Variants in EPB41L1 observed in about 807,000 individuals in gnomAD.
EPB41L1 encodes the protein band 4.1-like protein 1.
Under a neutral mutation model 97.8 loss-of-function variants are expected in EPB41L1, and 29 were observed. The ratio of observed to expected loss-of-function variants is 0.30; its 90% CI spans 0.22 to 0.40. EPB41L1 has a LOEUF of 0.40. Among genes scored for constraint, EPB41L1 ranks in the 10% least tolerant of loss-of-function variants. EPB41L1 has a pLI of 1.00. For synonymous variants in EPB41L1, 383 were observed against 459.2 expected (o/e 0.83, Z 2.12); for missense variants, 812 against 1,162.3 (o/e 0.70, Z 4.38).
At chr20:36,140,044 TTG>T (rs1453253016) in intron 2 of EPB41L1, among the ~76,000 whole-genome samples, 2 of 136,116 alleles carry the variant, frequency 1.5e-5, no homozygotes, top group African/African-American at 5.7e-5. Context: ...TGGTTTTTTT[TTG>T]TTGTTGTTGT....
chr20:36,219,023 C>A, intron 18 of EPB41L1, 61 bp downstream of exon 18: 1 of 1,548,106 alleles, frequency 6.5e-7, no homozygotes, highest in Non-Finnish European at 8.9e-7. Flanking sequence ...GGCATGGACC[C>A]ATGTATGGCT....
At chr20:36,123,723 CGCTTGG>C (rs1198160531) in intron 2 of EPB41L1, among the ~76,000 whole-genome samples, 1 of 152,108 alleles carries the variant, frequency 6.6e-6, no homozygotes, top group African/African-American at 2.4e-5. Flanking sequence ...TGAGCCACTG[CGCTTGG>C]GCAGAAAATT....
chr20:36,200,257 T>C (rs1460544952), intron 14 of EPB41L1, among the ~76,000 whole-genome samples: 7 of 152,088 alleles, frequency 4.6e-5, no homozygotes, highest in African/African-American at 1.7e-4. Context: ...AGTGAAATAA[T>C]TAATATAAAA....
intron 2 of EPB41L1, among the ~76,000 whole-genome samples, chr20:36,140,671 G>T (rs1256036703): frequency 2.6e-5 from 4 of 152,270 alleles, no homozygotes; most frequent in East Asian, 3.9e-4. Flanking sequence ...CTAGGATTTG[G>T]CTTCTTTTTT....
At chr20:36,134,479 G>A (rs1661338664) in intron 2 of EPB41L1, among the ~76,000 whole-genome samples, 1 of 152,230 alleles carries the variant, frequency 6.6e-6, no homozygotes, top group East Asian at 1.9e-4. Flanking sequence ...AGAAGGTACT[G>A]TGGGGCAGGA....
intron 14 of EPB41L1, among the ~76,000 whole-genome samples, chr20:36,199,014 C>T (rs2062355327): frequency 6.6e-6 from 1 of 152,172 alleles, no homozygotes; most frequent in Admixed American, 6.5e-5. Flanking sequence ...GTTATTGTTT[C>T]ACTTGAGAGT....
In EPB41L1 at chr20:36,221,943, A is replaced by G; in HGVS notation, c.2519A>G (p.Gln840Arg). 1.2e-6 allele frequency: 2 copies of G among 1,614,154 alleles called. No individual in the cohort carries two copies. The highest frequency in any genetic ancestry group is 1.7e-6 in the Non-Finnish European group (2 of 1,180,000). The change falls in exon 20 of 22, where the codon CAG becomes CGG. Residue 840 changes from glutamine to arginine, a missense_variant and splice_region_variant. By Grantham distance (43) the Gln-to-Arg change is conservative. Coordinates refer to ENST00000338074, the MANE Select transcript of EPB41L1 (RefSeq NM_012156.2). ...ITGDEDVDQD[Q>R]ALALAIKEAK... is the part of the protein sequence containing the mutation. ...GGGGATGAAGATGTCGATCAAGACC[A>G]GGTATGGGGGTAGCAACCGTTCTTC...
In EPB41L1 at chr20:36,173,739, C is replaced by A. The variant is rs371069159; in HGVS notation, c.-14-25C>A. 1.6e-5 allele frequency: 26 copies of A among 1,610,760 alleles called. No homozygotes were observed. In the African/African-American group the frequency reaches 2.4e-4, roughly 15 times the overall value. On this transcript the variant is annotated intron_variant, in intron 1 of 21. Coordinates refer to ENST00000338074, the MANE Select transcript of EPB41L1 (RefSeq NM_012156.2). ...ATACCATTGCTGTCCCTCCCTGTCA[C>A]ATGATCTCCTTCATGCCAATGCAGG...
rs1026030614 is a variant in EPB41L1 at position 36,185,342 on chromosome 20, G to C, written c.785+7G>C. On this transcript the variant is annotated splice_region_variant and intron_variant, in intron 7 of 21. Coordinates refer to ENST00000338074, the MANE Select transcript of EPB41L1 (RefSeq NM_012156.2). ...AGCTGCATAAGACATATAGGTAAGA[G>C]GGTGCCAGCCAGGGCCTTCTGTGGC... is the stretch of plus-strand genomic sequence containing the variant. 4.3e-6 allele frequency: 7 copies of C among 1,611,104 alleles called. No individual in the cohort carries two copies. The highest frequency in any genetic ancestry group is 5.9e-6 in the Non-Finnish European group (7 of 1,179,696).
rs1426791925 is a variant in EPB41L1, at chr20:36,178,667, TC to T, written c.487del (p.Arg163GlyfsTer21). The T allele has an allele frequency of 6.2e-7, 1 of 1,614,018 alleles. No homozygotes were observed. Among genetic ancestry groups the T allele is most frequent in the African/African-American group, 1.3e-5 (1 of 74,904 alleles). The part of the protein sequence containing the change: ...LDPSKEIKKQ[I>X]RSSPWNFAFT... Reference sequence around the variant, plus strand: ...CCCTCCAAGGAGATCAAGAAGCAGATCCGGAGTGAGTGGCTTGTTGTGTTTG... The same window carrying T: ...CCCTCCAAGGAGATCAAGAAGCAGATCGGAGTGAGTGGCTTGTTGTGTTTG... On this transcript the variant is annotated frameshift_variant, in exon 5 of 22. Coordinates refer to ENST00000338074, the MANE Select transcript of EPB41L1 (RefSeq NM_012156.2). LOFTEE classifies it high-confidence loss of function.
intron 15 of EPB41L1, among the ~76,000 whole-genome samples, chr20:36,210,470 A>G (rs549655816): frequency 5.3e-5 from 8 of 152,074 alleles, no homozygotes; most frequent in African/African-American, 1.9e-4. Context: ...TCTCTAAGGC[A>G]CGCCTGCCCA....
rs55990020 is a variant in EPB41L1, at chr20:36,188,581, A to AACACACACACAC, written c.1026+132_1026+143dup. 5.2e-4 allele frequency: 245 copies of AACACACACACAC among 467,422 alleles called. 1 individual carries two copies. The highest frequency in any genetic ancestry group is 3.4e-3 in the African/African-American group (95 of 27,624). 29.0% of individuals were successfully genotyped at this position (467,422 alleles called of 1,614,324 possible). On this transcript the variant is annotated intron_variant, in intron 9 of 21. Transcript: ENST00000338074. Reference sequence around the variant, plus strand: ...CCCTGGCAGCTGGGCCTGGACTGCCAACACACACACACACACACACACACA... The same window carrying AACACACACACAC: ...CCCTGGCAGCTGGGCCTGGACTGCCAACACACACACACACACACACACACACACACACACACA...
chr20:36,185,064 G>C, intron 6 of EPB41L1, 53 bp from the exon 7 acceptor site: 1 of 1,565,450 alleles, frequency 6.4e-7, no homozygotes, highest in Non-Finnish European at 8.8e-7. Context: ...GTGCTTGGGG[G>C]ATCTAGGGAG....
chr20:36,122,629 T>C (rs1172147423), intron 2 of EPB41L1: 1 of 152,454 alleles, frequency 6.6e-6, no homozygotes, highest in Non-Finnish European at 1.5e-5. Context: ...CTTACCCCCA[T>C]ACCCCCAAAT....
At chr20:36,216,368 C>T (rs1000536353) in intron 17 of EPB41L1, among the ~76,000 whole-genome samples, 2 of 152,060 alleles carry the variant, frequency 1.3e-5, no homozygotes, top group Non-Finnish European at 2.9e-5. Context: ...TCAAGAAAGC[C>T]AGATGTCAAG....
chr20:36,210,977 G>T (rs1475967920), intron 15 of EPB41L1, among the ~76,000 whole-genome samples: 2 of 152,182 alleles, frequency 1.3e-5, no homozygotes, highest in African/African-American at 4.8e-5. Context: ...AGGCAAGAAG[G>T]CAGGGGGATC....
chr20:36,137,560 T>C (rs2059465468), intron 2 of EPB41L1, among the ~76,000 whole-genome samples: 1 of 152,112 alleles, frequency 6.6e-6, no homozygotes, highest in African/African-American at 2.4e-5. Flanking sequence ...GTTCCGCTTT[T>C]GTTGCCCAGG....
chr20:36,119,046 T>C (rs765171150), intron 2 of EPB41L1, among the ~76,000 whole-genome samples: 48 of 152,244 alleles, frequency 3.2e-4, no homozygotes, highest in Non-Finnish European at 6.5e-4. Context: ...ATAACTGAGC[T>C]ATCCCTGAGA....
At chr20:36,109,236 T>C (rs1211080183) in intron 1 of EPB41L1, among the ~76,000 whole-genome samples, 1 of 152,016 alleles carries the variant, frequency 6.6e-6, no homozygotes, top group African/African-American at 2.4e-5. Context: ...TGTGAGCCAC[T>C]GCACCCGGCC....
Sources: gnomAD v4.1 joint callset for allele counts (sites outside exome capture counted in the v4.1 genomes callset) on GRCh38, gnomAD v4.1.1 for gene constraint, MANE v1.5 for transcripts, NCBI Gene and HGNC (gene_info 2026-07-23, HGNC 2026-07-21) for gene names.